The following GALM variants were observed in gnomAD, a reference collection of about 807,000 sequenced individuals.
GALM encodes the protein aldose 1-epimerase.
Under a neutral mutation model 37.4 loss-of-function variants are expected in GALM, and 43 were observed. The observed-to-expected ratio is 1.15, with a 90% CI of 0.90 to 1.48. GALM has a LOEUF of 1.48. Ranked by LOEUF, GALM falls within the 40% of genes most tolerant of loss-of-function variation. GALM has a pLI of 0.00. For synonymous variants in GALM, 199 were observed against 170.6 expected (o/e 1.17, Z -1.30); for missense variants, 456 against 419.1 (o/e 1.09, Z -0.77).
At chr2:38,666,923 G>A (rs564371765) in intron 1 of GALM, among the ~76,000 whole-genome samples, 25 of 152,166 alleles carry the variant, frequency 1.6e-4, no homozygotes, top group African/African-American at 5.3e-4. Flanking sequence ...CAGAGATCAG[G>A]TCTCCTACCA....
At chr2:38,667,025 T>A (rs1413312278) in intron 1 of GALM, among the ~76,000 whole-genome samples, 1 of 152,214 alleles carries the variant, frequency 6.6e-6, no homozygotes, top group African/African-American at 2.4e-5. Context: ...GATGACCTCA[T>A]TAAACAGGAC....
intron 1 of GALM, among the ~76,000 whole-genome samples, chr2:38,672,026 T>C (rs535668155): frequency 4.6e-5 from 7 of 150,914 alleles, no homozygotes; most frequent in African/African-American, 1.7e-4. Context: ...CTGATAATTA[T>C]GGGGAAAAAA....
chr2:38,681,622 G>A (rs1665399403), intron 3 of GALM, 136 bp downstream of exon 3: 2 of 690,314 alleles, frequency 2.9e-6, no homozygotes, highest in Non-Finnish European at 5.1e-6. Flanking sequence ...CCCAGCAGAG[G>A]GCTTATAGTA....
At chr2:38,732,014 CTTTG>C (rs992445120) in intron 6 of GALM, 105 bp downstream of exon 6, 17 of 1,006,454 alleles carry the variant, frequency 1.7e-5, no homozygotes, top group South Asian at 3.2e-5. Flanking sequence ...AAAGTTCATG[CTTTG>C]TTTGTTTGGT....
intron 1 of GALM, among the ~76,000 whole-genome samples, chr2:38,674,610 A>G (rs34813950): frequency 0.28 from 42,725 of 152,100 alleles, 9,272 homozygotes; most frequent in African/African-American, 0.59. Context: ...TTCCTCTGGC[A>G]AACCTACTCT....
intron 4 of GALM, among the ~76,000 whole-genome samples, chr2:38,719,382 T>C (rs1666331030): frequency 6.7e-6 from 1 of 150,132 alleles, no homozygotes; most frequent in African/African-American, 2.5e-5. Context: ...AGGCAAATAA[T>C]TGCTTGAACC....
chr2:38,678,714 T>A (rs908763368), intron 2 of GALM, among the ~76,000 whole-genome samples: 2 of 152,196 alleles, frequency 1.3e-5, no homozygotes, highest in African/African-American at 4.8e-5. Context: ...GCCTTCACTG[T>A]AGGTGAAGGC....
At chr2:38,709,904 T>C (rs992069927) in intron 4 of GALM, among the ~76,000 whole-genome samples, 1 of 152,144 alleles carries the variant, frequency 6.6e-6, no homozygotes, top group African/African-American at 2.4e-5. Context: ...CAGGCCTCCT[T>C]ATGCAAATTT....
chr2:38,724,514 A>G (rs1666446305), intron 4 of GALM, among the ~76,000 whole-genome samples: 1 of 152,188 alleles, frequency 6.6e-6, no homozygotes, highest in South Asian at 2.1e-4. Context: ...GCCCAGAGAC[A>G]TGGCGAATCT....
chr2:38,669,689 C>G (rs1665041052), intron 1 of GALM, among the ~76,000 whole-genome samples: 1 of 152,018 alleles, frequency 6.6e-6, no homozygotes, highest in South Asian at 2.1e-4. Flanking sequence ...TCCTGGCCGA[C>G]ATGGTGAAAC....
At chr2:38,703,396 G>A (rs542131623) in intron 4 of GALM, among the ~76,000 whole-genome samples, 56 of 151,462 alleles carry the variant, frequency 3.7e-4, no homozygotes, top group African/African-American at 1.2e-3. Flanking sequence ...GTGAGCCACC[G>A]CACCCAGCCT....
intron 4 of GALM, among the ~76,000 whole-genome samples, chr2:38,715,905 C>A (rs1197919805): frequency 6.6e-6 from 1 of 152,184 alleles, no homozygotes; most frequent in Non-Finnish European, 1.5e-5. Context: ...GTCTCGTTAT[C>A]CCCATTTTAC....
chr2:38,715,158 T>C (rs1388119910), intron 4 of GALM, among the ~76,000 whole-genome samples: 1 of 152,244 alleles, frequency 6.6e-6, no homozygotes, highest in African/African-American at 2.4e-5. Flanking sequence ...AAGTCTATGC[T>C]GTGTGATGCA....
intron 4 of GALM, among the ~76,000 whole-genome samples, chr2:38,700,618 AC>A (rs1389044532): frequency 2.0e-5 from 3 of 152,062 alleles, no homozygotes; most frequent in African/African-American, 7.2e-5. Context: ...GTGTGTCGTT[AC>A]AGATGAAGTG....
intron 4 of GALM, among the ~76,000 whole-genome samples, chr2:38,712,805 G>T (rs1666197066): frequency 6.6e-6 from 1 of 152,138 alleles, no homozygotes; most frequent in Non-Finnish European, 1.5e-5. Flanking sequence ...TCGAATTTAG[G>T]TTGTATGTTT....
intron 4 of GALM, among the ~76,000 whole-genome samples, chr2:38,705,295 A>T (rs1009214329): frequency 6.6e-6 from 1 of 152,182 alleles, no homozygotes; most frequent in African/African-American, 2.4e-5. Context: ...AACGGACCTG[A>T]TGTTAACTCA....
chr2:38,679,953 G>T (rs1465281463), intron 2 of GALM: 3 of 430,288 alleles, frequency 7.0e-6, no homozygotes, highest in Non-Finnish European at 1.4e-5. Context: ...ACAAAGTTGA[G>T]AACAGCCACT....
At chr2:38,696,546 C>T (rs1252490849) in intron 4 of GALM, among the ~76,000 whole-genome samples, 1 of 151,622 alleles carries the variant, frequency 6.6e-6, no homozygotes, top group East Asian at 1.9e-4. Flanking sequence ...ATCCTCCTGG[C>T]TCCGCCTTCC....
chr2:38,733,453 T>G, intron 6 of GALM, 35 bp from the exon 7 acceptor site: 2 of 1,562,806 alleles, frequency 1.3e-6, no homozygotes, highest in Non-Finnish European at 8.8e-7. Context: ...CAGCCTGCGG[T>G]GTCAAGCATC....
Sources: gnomAD v4.1 joint callset for allele counts (sites outside exome capture counted in the v4.1 genomes callset) on GRCh38, gnomAD v4.1.1 for gene constraint, MANE v1.5 for transcripts, NCBI Gene and HGNC (gene_info 2026-07-23, HGNC 2026-07-21) for gene names.